FLT1: variants seen among roughly 807,000 people sequenced by gnomAD.
The protein encoded by FLT1 is vascular endothelial growth factor receptor 1.
FLT1 carries 49 observed loss-of-function variants against 156.3 expected under a neutral mutation model. The ratio of observed to expected loss-of-function variants is 0.31; its 90% CI spans 0.25 to 0.40. The LOEUF (loss-of-function observed/expected upper bound fraction) is 0.40. Among genes scored for constraint, FLT1 ranks in the 10% least tolerant of loss-of-function variants. The probability of loss-of-function intolerance (pLI) is 1.00; values close to 1 mark genes in which losing one functional copy is unlikely to be tolerated. For synonymous variants in FLT1, 594 were observed against 583.8 expected (o/e 1.02, Z -0.25); for missense variants, 1,322 against 1,637.2 (o/e 0.81, Z 3.32).
Position 28,363,960 on chromosome 13 carries a change from G to A in FLT1, c.2117-6275C>T, listed in dbSNP as rs143786405. Among the ~76,000 whole-genome samples, 256 of 152,080 alleles carry A rather than the reference G, an allele frequency of 1.7e-3. 1 individual carries two copies. The highest frequency in any genetic ancestry group is 7.8e-3 in the East Asian group (40 of 5,160). The stretch of plus-strand genomic sequence containing the variant: ...TTGATGTGAAATGGTATCTTGCTGT[G>A]GTTTTAATCTACATTTCCCTGATTA... On this transcript the variant is annotated intron_variant, in intron 14 of 29. Transcript: ENST00000282397.
intron 16 of FLT1, among the ~76,000 whole-genome samples, chr13:28,342,267 C>A (rs1202163202): frequency 6.6e-6 from 1 of 152,068 alleles, no homozygotes; most frequent in Non-Finnish European, 1.5e-5. Flanking sequence ...AGGACTAGGG[C>A]GGGCTGTTTT....
intron 14 of FLT1, among the ~76,000 whole-genome samples, chr13:28,382,587 G>GGAGAC (rs992693626): frequency 1.2e-4 from 19 of 152,210 alleles, no homozygotes; most frequent in African/African-American, 4.1e-4. Context: ...AGAGAGATAG[G>GGAGAC]GAGACAAGTT....
At position 28,405,037 on chromosome 13, in the gene FLT1, GAA is replaced by G. The variant is rs750862472; in HGVS notation, c.1551+741_1551+742del. 7.0e-3 allele frequency among the ~76,000 whole-genome samples: 1,015 copies of G among 145,280 alleles called. 8 individuals are homozygous for G. Among genetic ancestry groups the G allele is most frequent in the Non-Finnish European group, 0.01 (667 of 65,876 alleles). Reference sequence around the variant, plus strand: ...TCCATCTCAAAAAAAAAAAAAAAAAGAAAAGAAAAGAATCACTATCCCTGTGC... The same window carrying G: ...TCCATCTCAAAAAAAAAAAAAAAAAGAAGAAAAGAATCACTATCCCTGTGC... On this transcript the variant is annotated intron_variant, in intron 11 of 29. Transcript: ENST00000282397.
At chr13:28,454,376 A>T (rs1879144384) in intron 3 of FLT1, among the ~76,000 whole-genome samples, 1 of 152,226 alleles carries the variant, frequency 6.6e-6, no homozygotes, top group Non-Finnish European at 1.5e-5. Flanking sequence ...TAGTATTAAT[A>T]ATAATAAACT....
chr13:28,350,336 G>C (rs540831101), intron 15 of FLT1, among the ~76,000 whole-genome samples: 2 of 152,240 alleles, frequency 1.3e-5, no homozygotes, highest in African/African-American at 4.8e-5. Flanking sequence ...CTGTTGACCT[G>C]GTTGCACAGA....
intron 29 of FLT1, among the ~76,000 whole-genome samples, chr13:28,304,049 T>C (rs1381371584): frequency 1.3e-5 from 2 of 152,176 alleles, no homozygotes; most frequent in African/African-American, 4.8e-5. Context: ...TTAATATTCG[T>C]TCAAATTTTT....
In FLT1 at chr13:28,327,587, A is replaced by G. The variant is rs775702256; in HGVS notation, c.2708-37T>C. The G allele has an allele frequency of 5.7e-6, 8 of 1,414,264 alleles. No individual in the cohort carries two copies. In the East Asian group the frequency reaches 1.1e-4, roughly 20 times the overall value. The allele number at this position is 1,414,264 out of a possible 1,614,324, so 87.6% of individuals were successfully genotyped here. ...ACAGCACATGCTCATGCTCAGCCAC[A>G]CCAAGCCAGTCAGCCATTTGCCAGC... On this transcript the variant is annotated intron_variant, in intron 19 of 29. Coordinates refer to ENST00000282397, the MANE Select transcript of FLT1 (RefSeq NM_002019.4).
chr13:28,405,358 CT>C (rs1328287106), intron 11 of FLT1, among the ~76,000 whole-genome samples: 4 of 152,198 alleles, frequency 2.6e-5, no homozygotes, highest in Non-Finnish European at 4.4e-5. Flanking sequence ...CTTGCACTAG[CT>C]TTTGCTTACT....
chr13:28,350,398 G>A (rs1050850122), intron 15 of FLT1, among the ~76,000 whole-genome samples: 1 of 152,180 alleles, frequency 6.6e-6, no homozygotes, highest in Non-Finnish European at 1.5e-5. Context: ...TTTTGGAATA[G>A]GGAGGGGAGA....
intron 5 of FLT1, 42 bp from the exon 6 acceptor site, chr13:28,433,997 T>C (rs768506160): frequency 3.7e-6 from 6 of 1,613,918 alleles, no homozygotes; most frequent in Non-Finnish European, 5.1e-6. Flanking sequence ...TAAGATTTCA[T>C]TACACAGATA....
At position 28,381,456 on chromosome 13, in the gene FLT1, G is replaced by C. The variant is rs185126364; in HGVS notation, c.2116+3429C>G. ...TGTCTGTAATCCCAGCTACTCAGAA[G>C]GCTGAGTCAGGAGAATCACTTGAAC... On this transcript the variant is annotated intron_variant, in intron 14 of 29. Transcript: ENST00000282397. 3.9e-5 allele frequency among the ~76,000 whole-genome samples: 6 copies of C among 152,268 alleles called. No individual in the cohort carries two copies. The East Asian group carries it at 1.2e-3, about 29-fold the overall frequency.
At chr13:28,331,454 G>A (rs981039553) in intron 18 of FLT1, among the ~76,000 whole-genome samples, 6 of 152,078 alleles carry the variant, frequency 3.9e-5, no homozygotes, top group Non-Finnish European at 8.8e-5. Flanking sequence ...GTTTTGAGAC[G>A]GAGTCTCGCT....
chr13:28,388,889 C>T, intron 13 of FLT1: 2 of 1,063,900 alleles, frequency 1.9e-6, no homozygotes, highest in Non-Finnish European at 1.1e-6. Context: ...AGGCATGATC[C>T]ACTTTCTTTC....
At chr13:28,306,264 G>A (rs892657481) in intron 29 of FLT1, among the ~76,000 whole-genome samples, 1 of 152,194 alleles carries the variant, frequency 6.6e-6, no homozygotes, top group Non-Finnish European at 1.5e-5. Flanking sequence ...AGCTCTCAGG[G>A]TACAGGTCTT....
intron 3 of FLT1, among the ~76,000 whole-genome samples, chr13:28,441,953 T>C (rs1480948568): frequency 6.6e-6 from 1 of 152,208 alleles, no homozygotes; most frequent in Admixed American, 6.5e-5. Context: ...CATTTTTGCT[T>C]AAGGAAAACT....
chr13:28,306,802 T>C (rs1190469364), intron 28 of FLT1, 30 bp from the exon 29 acceptor site: 1 of 1,495,668 alleles, frequency 6.7e-7, no homozygotes, highest in Non-Finnish European at 9.3e-7. Flanking sequence ...GGTTATACTC[T>C]TGCCTGGCCC....
At chr13:28,474,485 G>GACACACACACACAC (rs57021123) in intron 1 of FLT1, among the ~76,000 whole-genome samples, 4 of 112,466 alleles carry the variant, frequency 3.6e-5, no homozygotes, top group South Asian at 2.7e-4. Context: ...AACAACCACA[G>GACACACACACACAC]ACACACACAC....
At chr13:28,329,549 A>G (rs1871833938) in intron 19 of FLT1, 66 bp downstream of exon 19, 1 of 1,154,928 alleles carries the variant, frequency 8.7e-7, no homozygotes, top group East Asian at 2.4e-5. Flanking sequence ...AGGAGCTGTA[A>G]GGCAGAGAAC....
In FLT1 at chr13:28,393,962, G is replaced by C. The variant is rs140419640; in HGVS notation, c.1660+2998C>G. Among the ~76,000 whole-genome samples the C allele has an allele frequency of 3.8e-3, 578 of 152,268 alleles. 3 individuals are homozygous for C. The highest frequency in any genetic ancestry group is 8.0e-3 in the Admixed American group (123 of 15,298). ...GTAAAGATCCAAATCTAGATAAGAA[G>C]AGCGTTAAAATTTTAGACAGGCACT... On this transcript the variant is annotated intron_variant, in intron 12 of 29. Transcript: ENST00000282397.
Sources: allele counts gnomAD v4.1 joint callset (sites outside exome capture counted in the v4.1 genomes callset), GRCh38; gene constraint gnomAD v4.1.1; transcripts MANE v1.5; gene names NCBI Gene and HGNC (gene_info 2026-07-23, HGNC 2026-07-21).